NME6: variants seen among roughly 807,000 people sequenced by gnomAD.
NME6 encodes the protein nucleoside diphosphate kinase 6, mitochondrial.
NME6 carries 16 observed loss-of-function variants against 22.2 expected under a neutral mutation model. That is an observed-to-expected ratio of 0.72 (90% CI 0.49 to 1.09). The LOEUF (loss-of-function observed/expected upper bound fraction) is 1.09, where lower values mean the gene tolerates loss of function less well. Ranked by LOEUF, NME6 falls within the 50% of genes least tolerant of loss-of-function variation. The pLI is 0.00. For missense variants in NME6, 229 were observed against 239.0 expected (o/e 0.96, Z 0.28); for synonymous variants, 58 against 85.2 (o/e 0.68, Z 1.76).
intron 1 of NME6, chr3:48,298,954 G>A (rs771689932): frequency 3.4e-5 from 24 of 702,838 alleles, no homozygotes; most frequent in Non-Finnish European, 5.2e-5. Flanking sequence ...CCATCCCATA[G>A]TGCTCTCCTA....
In NME6 at chr3:48,295,085, G is replaced by A. The variant is rs765984041; in HGVS notation, c.384C>T (p.Thr128=). 4.3e-6 allele frequency: 7 copies of A among 1,613,898 alleles called. No individual in the cohort carries two copies. In the African/African-American group the frequency reaches 6.7e-5, roughly 15 times the overall value. ...GGACAGGGGACTCACCCGAACCATG[G>A]GTGGTGTTGCGGGTGTCAGTGAGGC... The part of the protein sequence containing the change: ...SFGLTDTRNT[T]HGSDSVVSAS... The change falls in exon 5 of 6, where the codon ACC becomes ACT. Residue 128 remains threonine, a synonymous_variant. Coordinates refer to ENST00000442597, the MANE Select transcript of NME6 (RefSeq NM_001308426.2).
rs1366925529 is a variant in NME6, at chr3:48,296,719, G to A, written c.193+8C>T. The A allele has an allele frequency of 6.2e-7, 1 of 1,601,194 alleles. No homozygotes were observed. The highest frequency in any genetic ancestry group is 2.2e-5 in the East Asian group (1 of 44,810). On this transcript the variant is annotated splice_region_variant and intron_variant, in intron 3 of 5. Coordinates refer to ENST00000442597, the MANE Select transcript of NME6 (RefSeq NM_001308426.2). Reference sequence around the variant, plus strand: ...GGCACCTTCCATTCAGAGGACTACTGATCCTACCTTCATGCTCTCGGTAAA... The same window carrying A: ...GGCACCTTCCATTCAGAGGACTACTAATCCTACCTTCATGCTCTCGGTAAA...
In NME6 at chr3:48,298,647, C is replaced by T. The variant is rs1291857110; in HGVS notation, c.-7-124G>A. On this transcript the variant is annotated intron_variant, in intron 1 of 5. Coordinates refer to ENST00000442597, the MANE Select transcript of NME6 (RefSeq NM_001308426.2). ...CTCCTGACACTCATAAAGAACCTGA[C>T]AGTTTCATCTTAAGGCCATATACAT... The T allele has an allele frequency of 7.7e-6, 5 of 649,268 alleles. No homozygotes were observed. In the Admixed American group the frequency reaches 9.0e-5, roughly 12 times the overall value. The allele number at this position is 649,268 out of a possible 1,614,324, so 40.2% of individuals were successfully genotyped here. A position where few individuals can be genotyped will look rare whatever the true frequency, so the allele number is the denominator to read the frequency against.
downstream of NME6, among the ~76,000 whole-genome samples, chr3:48,290,478 T>A (rs930491580): frequency 2.5e-4 from 38 of 152,276 alleles, no homozygotes; most frequent in African/African-American, 8.9e-4. Flanking sequence ...GTGAGAACAT[T>A]TGAAATTTAC....
intron 4 of NME6, 141 bp from the exon 5 acceptor site, chr3:48,295,376 T>C: frequency 3.2e-6 from 3 of 932,798 alleles, no homozygotes; most frequent in Non-Finnish European, 4.7e-6. Flanking sequence ...CTGCTTCAAA[T>C]AGGTGATGCA....
Position 48,298,452 on chromosome 3 carries a change from G to A in NME6, c.65C>T (p.Ala22Val). The A allele has an allele frequency of 6.2e-7, 1 of 1,614,182 alleles. No homozygotes were observed. Among genetic ancestry groups the A allele is most frequent in the Non-Finnish European group, 8.5e-7 (1 of 1,180,004 alleles). ...QLTLALIKPD[A>V]VAHPLILEAV... is the part of the protein sequence containing the mutation. ...CTCCAGAATCAGTGGATGGGCGACTGCGTCAGGCTTGATCAGGGCTAGAGT... is the reference window on the plus strand; with the variant it reads ...CTCCAGAATCAGTGGATGGGCGACTACGTCAGGCTTGATCAGGGCTAGAGT... The change falls in exon 2 of 6, where the codon GCA (alanine) becomes GTA (valine). Residue 22 changes from alanine to valine, a missense_variant. Transcript: ENST00000442597.
chr3:48,289,151 G>A (rs113330463), downstream of NME6, among the ~76,000 whole-genome samples: 25 of 151,846 alleles, frequency 1.6e-4, no homozygotes, highest in Admixed American at 7.9e-4. Flanking sequence ...CGCAACCTCC[G>A]TCTCCTGGGT....
intron 1 of NME6, chr3:48,299,129 A>G (rs1028001099): frequency 1.8e-6 from 1 of 557,692 alleles, no homozygotes; most frequent in South Asian, 2.5e-5. Context: ...CAGTGGTAAC[A>G]CTGAGGTCAA....
chr3:48,295,191 T>A lies in NME6; in HGVS notation c.278A>T (p.Gln93Leu). The A allele has an allele frequency of 1.2e-6, 2 of 1,614,104 alleles. No homozygotes were observed. The highest frequency in any genetic ancestry group is 1.7e-6 in the Non-Finnish European group (2 of 1,179,968). The change falls in exon 5 of 6, where the codon CAG becomes CTG. Residue 93 changes from glutamine (Q) to leucine (L), a missense_variant. Coordinates refer to ENST00000442597, the MANE Select transcript of NME6 (RefSeq NM_001308426.2). ...GGGTCCCATGAGCGTCCTCCAGAGC[T>A]GGATGGCATCCTTGTGGGCAAGGAT... ...AYILAHKDAI[Q>L]LWRTLMGPTR...
chr3:48,298,630 A>G, intron 1 of NME6, 107 bp from the exon 2 acceptor site: 1 of 698,968 alleles, frequency 1.4e-6, no homozygotes, highest in Non-Finnish European at 2.4e-6. Context: ...CACTCCTGAC[A>G]CTCATAAAGA....
At chr3:48,300,262 T>A in intron 1 of NME6, 1 of 456,796 alleles carries the variant, frequency 2.2e-6, no homozygotes, top group South Asian at 1.5e-5. Context: ...CATGATCTTG[T>A]GGTTCCCCAC....
downstream of NME6, among the ~76,000 whole-genome samples, chr3:48,289,369 TA>T (rs1046393819): frequency 4.6e-5 from 7 of 152,050 alleles, no homozygotes; most frequent in Non-Finnish European, 7.4e-5. Context: ...ACACCCCGCC[TA>T]AAAAATAACA....
At chr3:48,287,840 T>C (rs2034253472), downstream of NME6, among the ~76,000 whole-genome samples, 1 of 152,066 alleles carries the variant, frequency 6.6e-6, no homozygotes, top group Non-Finnish European at 1.5e-5. Flanking sequence ...CTCAATGTGG[T>C]CTTGGGAGTC....
chr3:48,297,344 C>T (rs1203389789), intron 2 of NME6: 1 of 153,072 alleles, frequency 6.5e-6, no homozygotes, highest in African/African-American at 2.4e-5. Context: ...CACATGCATT[C>T]CTGCCTCAGC....
intron 1 of NME6, chr3:48,299,194 C>A: frequency 2.0e-6 from 1 of 498,006 alleles, no homozygotes; most frequent in Non-Finnish European, 3.6e-6. Context: ...TGAAACAGTG[C>A]CTGACACAAA....
At position 48,298,520 on chromosome 3, in the gene NME6, A is replaced by G. The variant is rs200196665; in HGVS notation, c.-4T>C. On this transcript the variant is annotated 5_prime_UTR_variant, in exon 2 of 6. Transcript: ENST00000442597. ...GGCTTCGCAAGATTGAGGCCATCTC[A>G]CTCCTGCCATTAGAGAGCTGTATTA... 6.3e-7 allele frequency: 1 copy of G among 1,592,606 alleles called. No individual in the cohort carries two copies. The highest frequency in any genetic ancestry group is 1.3e-5 in the African/African-American group (1 of 74,178).
chr3:48,292,551 A>T lies in NME6; in HGVS notation c.*2086T>A, dbSNP rs2034605209. ...ACAGATTTTGTTCCAGACTATTTCA[A>T]GGATTTTTTTTTTCTTGAGATGGAG... is the stretch of plus-strand genomic sequence containing the variant. On this transcript the variant is annotated 3_prime_UTR_variant, in exon 6 of 6. Coordinates refer to ENST00000442597, the MANE Select transcript of NME6 (RefSeq NM_001308426.2). 1 of 152,004 alleles carries T rather than the reference A, an allele frequency of 6.6e-6. No homozygotes were observed. Among genetic ancestry groups the T allele is most frequent in the Non-Finnish European group, 1.5e-5 (1 of 67,978 alleles). 9.4% of individuals were successfully genotyped at this position (152,004 alleles called of 1,614,324 possible). A position where few individuals can be genotyped will look rare whatever the true frequency, so the allele number is the denominator to read the frequency against.
chr3:48,301,323 A>T lies in NME6; in HGVS notation c.-8+30T>A, dbSNP rs1367188702. On this transcript the variant is annotated intron_variant, in intron 1 of 5. Transcript: ENST00000442597. ...CAGATTCTGGGTCATTCGGAGCCCC[A>T]GTGCAGCAGAAGTCCGGCTGCGGGT... is the stretch of plus-strand genomic sequence containing the variant. 1.9e-6 allele frequency: 3 copies of T among 1,587,906 alleles called. No individual in the cohort carries two copies. In the Admixed American group the frequency reaches 5.3e-5, roughly 28 times the overall value.
rs754711255 is a variant in NME6, at chr3:48,295,092, T to G, written c.377A>C (p.Asn126Thr). The change falls in exon 5 of 6, where the codon AAC becomes ACC. Residue 126 changes from asparagine (N) to threonine (T), a missense_variant. Coordinates refer to ENST00000442597, the MANE Select transcript of NME6 (RefSeq NM_001308426.2). The stretch of plus-strand genomic sequence containing the variant: ...GGACTCACCCGAACCATGGGTGGTG[T>G]TGCGGGTGTCAGTGAGGCCGAAACT... ...RGSFGLTDTR[N>T]TTHGSDSVVS... is the part of the protein sequence containing the mutation. 1.7e-5 allele frequency: 27 copies of G among 1,614,038 alleles called. No homozygotes were observed. Among genetic ancestry groups the G allele is most frequent in the Non-Finnish European group, 2.2e-5 (26 of 1,179,994 alleles).
Sources: allele counts gnomAD v4.1 joint callset (sites outside exome capture counted in the v4.1 genomes callset), GRCh38; gene constraint gnomAD v4.1.1; transcripts MANE v1.5; gene names NCBI Gene and HGNC (gene_info 2026-07-23, HGNC 2026-07-21).